The following HYDIN variants were observed in gnomAD, a reference collection of about 807,000 sequenced individuals.
HYDIN encodes the protein HYDIN axonemal central pair apparatus protein.
HYDIN carries 132 observed loss-of-function variants against 403.9 expected under a neutral mutation model. That is an observed-to-expected ratio of 0.33 (90% CI 0.28 to 0.38). HYDIN has a LOEUF of 0.38. Among genes scored for constraint, HYDIN ranks in the 10% least tolerant of loss-of-function variants. The probability of loss-of-function intolerance (pLI) is 1.00; values close to 1 mark genes in which losing one functional copy is unlikely to be tolerated. For synonymous variants in HYDIN, 1,202 were observed against 1,891.7 expected, an observed-to-expected ratio of 0.64 and a Z score of 9.46; for missense variants, 2,827 against 5,009.5, an observed-to-expected ratio of 0.56 and a Z score of 13.15.
At chr16:71,087,007 G>A (rs1212432416) in intron 12 of HYDIN, among the ~76,000 whole-genome samples, 1 of 150,898 alleles carries the variant, frequency 6.6e-6, no homozygotes, top group Non-Finnish European at 1.5e-5. Context: ...AAGAGTCAAT[G>A]TTATTCAAAT....
intron 47 of HYDIN, among the ~76,000 whole-genome samples, chr16:70,913,429 A>G (rs560238054): frequency 6.6e-6 from 1 of 151,444 alleles, no homozygotes; most frequent in Non-Finnish European, 1.5e-5. Context: ...ATGTATTTGC[A>G]TGGCTTTGAA....
At chr16:70,908,095 C>A (rs2076585395) in intron 49 of HYDIN, among the ~76,000 whole-genome samples, 157 bp downstream of exon 49, 1 of 152,192 alleles carries the variant, frequency 6.6e-6, no homozygotes, top group South Asian at 2.1e-4. Context: ...CCCTGTGGCT[C>A]TTGGTCAATA....
At position 70,981,519 on chromosome 16, in the gene HYDIN, G is replaced by C. The variant is rs1281005799; in HGVS notation, c.4382C>G (p.Pro1461Arg). ...CCTTTTAAAGACCTCAGGTACTCCA[G>C]GTAGGTAGTAAACTTTTAATACCTG... ...QEQVLKVYYL[P>R]GVPEVFKRSF... The change falls in exon 29 of 86, where the codon CCT becomes CGT. Residue 1461 changes from proline to arginine, a missense_variant. Transcript: ENST00000393567. The C allele has an allele frequency of 6.2e-7, 1 of 1,613,234 alleles. No homozygotes were observed. The highest frequency in any genetic ancestry group is 1.3e-5 in the African/African-American group (1 of 74,828).
At chr16:70,848,229 AC>A (rs2143570759) in intron 75 of HYDIN, among the ~76,000 whole-genome samples, 1 of 144,756 alleles carries the variant, frequency 6.9e-6, no homozygotes, top group East Asian at 2.0e-4. Flanking sequence ...TTGTTCTCAT[AC>A]TTTGCTTTAG....
chr16:70,875,972 T>C (rs1256353104), intron 62 of HYDIN, among the ~76,000 whole-genome samples: 1 of 152,186 alleles, frequency 6.6e-6, no homozygotes, highest in Non-Finnish European at 1.5e-5. Context: ...CTAGGTAACC[T>C]GAGCTCAAGG....
intron 45 of HYDIN, among the ~76,000 whole-genome samples, chr16:70,922,806 T>TTA (rs1449161142): frequency 4.8e-5 from 6 of 125,604 alleles, no homozygotes; most frequent in African/African-American, 1.4e-4. Flanking sequence ...TTTTTTTTTT[T>TTA]AGACAAGTTG....
intron 1 of HYDIN, among the ~76,000 whole-genome samples, chr16:71,225,094 C>T (rs1467201802): frequency 6.6e-6 from 1 of 152,092 alleles, no homozygotes; most frequent in African/African-American, 2.4e-5. Flanking sequence ...ACCTAAAAAG[C>T]GAGGGCCAGA....
chr16:71,154,158 C>T (rs892725736), intron 6 of HYDIN, among the ~76,000 whole-genome samples: 67 of 145,820 alleles, frequency 4.6e-4, no homozygotes, highest in Non-Finnish European at 4.8e-4. Flanking sequence ...TGGGTGGCAT[C>T]TGAGAGTATT....
chr16:71,029,730 CT>C (rs2080837819), intron 19 of HYDIN, among the ~76,000 whole-genome samples: 1 of 149,304 alleles, frequency 6.7e-6, no homozygotes, highest in African/African-American at 2.5e-5. Context: ...TTGCTTTTTA[CT>C]TAATTTTCTA....
At chr16:71,170,655 C>T (rs1240391163) in intron 5 of HYDIN, among the ~76,000 whole-genome samples, 1 of 151,960 alleles carries the variant, frequency 6.6e-6, no homozygotes, top group Non-Finnish European at 1.5e-5. Context: ...AAACCAACTT[C>T]TTAAAGTTGG....
At position 70,991,376 on chromosome 16, in the gene HYDIN, T is replaced by C. The variant is rs370642201; in HGVS notation, c.3806A>G (p.Asp1269Gly). ...DFVKTVLVDEDARPEEKELRK... is the reference protein window; with the variant it reads ...DFVKTVLVDEGARPEEKELRK... ...TAGTTCTTTTTCTTCAGGCCTGGCA[T>C]CTTCATCCACAAGGACAGTCCTAGG... Residue 1269 changes from aspartate to glycine, a missense_variant, in exon 25 of 86, where the codon GAT (aspartate) becomes GGT (glycine). Physicochemically the swap from Asp to Gly is moderately conservative, Grantham distance 94. Transcript: ENST00000393567. 1.9e-6 allele frequency: 3 copies of C among 1,613,900 alleles called. No individual in the cohort carries two copies. In the African/African-American group the frequency reaches 4.0e-5, roughly 22 times the overall value.
chr16:70,888,624 G>C (rs574541634), intron 58 of HYDIN, among the ~76,000 whole-genome samples: 1 of 151,246 alleles, frequency 6.6e-6, no homozygotes. Flanking sequence ...TGGGGTGGAC[G>C]TCATGGTTCC....
intron 9 of HYDIN, 42 bp downstream of exon 9, chr16:71,129,598 A>T (rs776120822): frequency 2.0e-6 from 3 of 1,528,882 alleles, no homozygotes; most frequent in Non-Finnish European, 2.6e-6. Context: ...CTGTGCTCCC[A>T]CTTACATTTC....
At chr16:71,043,415 T>C (rs1336690142) in intron 18 of HYDIN, among the ~76,000 whole-genome samples, 1 of 145,722 alleles carries the variant, frequency 6.9e-6, no homozygotes. Context: ...GCAGCACATA[T>C]TGCGTCTTAG....
chr16:71,226,061 T>C (rs995877858), intron 1 of HYDIN, among the ~76,000 whole-genome samples: 1 of 152,198 alleles, frequency 6.6e-6, no homozygotes, highest in Non-Finnish European at 1.5e-5. Context: ...AACCTTTAAT[T>C]CTAAAGTTTG....
intron 39 of HYDIN, among the ~76,000 whole-genome samples, chr16:70,956,672 C>T (rs1167304131): frequency 6.6e-6 from 1 of 152,020 alleles, no homozygotes; most frequent in African/African-American, 2.4e-5. Flanking sequence ...GGGCCAGGAA[C>T]CAAGGGTTGC....
At chr16:71,163,065 G>C (rs1313763084) in intron 5 of HYDIN, among the ~76,000 whole-genome samples, 2 of 151,388 alleles carry the variant, frequency 1.3e-5, no homozygotes, top group East Asian at 3.9e-4. Flanking sequence ...GTTCCCTCAG[G>C]TCCTCCTTCC....
At position 70,981,569 on chromosome 16, in the gene HYDIN, C is replaced by A; in HGVS notation, c.4333-1G>T. On this transcript the variant is annotated splice_acceptor_variant, in intron 28 of 85. Coordinates refer to ENST00000393567, the MANE Select transcript of HYDIN (RefSeq NM_001270974.2). LOFTEE classifies it high-confidence loss of function. ...GCTCTTGATGTGAACTGATAAAGCC[C>A]TACGCGGTAGAAAGACCAGAAAAGG... 1 of 1,610,300 alleles carries A rather than the reference C, an allele frequency of 6.2e-7. No homozygotes were observed. Among genetic ancestry groups the A allele is most frequent in the Non-Finnish European group, 8.5e-7 (1 of 1,178,140 alleles).
chr16:71,176,110 C>T (rs1310957708), intron 4 of HYDIN, among the ~76,000 whole-genome samples: 1 of 131,290 alleles, frequency 7.6e-6, no homozygotes, highest in East Asian at 1.9e-4. Context: ...TCAAGACCAT[C>T]CTGACTAATA....
Sources: gnomAD v4.1 joint callset for allele counts (sites outside exome capture counted in the v4.1 genomes callset) on GRCh38, gnomAD v4.1.1 for gene constraint, MANE v1.5 for transcripts, NCBI Gene and HGNC (gene_info 2026-07-23, HGNC 2026-07-21) for gene names.